The following INTS4 variants were observed in gnomAD, a reference collection of about 807,000 sequenced individuals.
INTS4 encodes integrator complex subunit 4, also known as MSTP093.
Under a neutral mutation model 119.5 loss-of-function variants are expected in INTS4, and 70 were observed. The ratio of observed to expected loss-of-function variants is 0.59; its 90% CI spans 0.48 to 0.71. INTS4 has a LOEUF of 0.71. INTS4 is among the 30% of genes least tolerant of loss of function. The probability of loss-of-function intolerance (pLI) is 0.00; values close to 1 mark genes in which losing one functional copy is unlikely to be tolerated. For synonymous variants in INTS4, 316 were observed against 419.6 expected (o/e 0.75, Z 3.02); for missense variants, 867 against 1,173.2 (o/e 0.74, Z 3.81).
chr11:77,931,922 T>A (rs920134836), intron 10 of INTS4, among the ~76,000 whole-genome samples: 1 of 152,106 alleles, frequency 6.6e-6, no homozygotes, highest in African/African-American at 2.4e-5. Flanking sequence ...TTCCTTACAC[T>A]TTATACAAAA....
chr11:77,974,360 A>C (rs1251191725), intron 4 of INTS4, among the ~76,000 whole-genome samples: 4 of 147,524 alleles, frequency 2.7e-5, no homozygotes, highest in Non-Finnish European at 5.9e-5. Context: ...CTCCTGCTTC[A>C]GCCTCCTGAG....
chr11:77,972,783 T>C (rs941360648), intron 4 of INTS4, among the ~76,000 whole-genome samples: 1 of 151,922 alleles, frequency 6.6e-6, no homozygotes, highest in African/African-American at 2.4e-5. Flanking sequence ...TATCTGGATA[T>C]TACTGGTGCT....
At chr11:77,877,320 T>C (rs1168179310), downstream of INTS4, among the ~76,000 whole-genome samples, 2 of 152,206 alleles carry the variant, frequency 1.3e-5, no homozygotes, top group Non-Finnish European at 2.9e-5. Context: ...AAACCAAAAG[T>C]TAAAACATGC....
chr11:77,943,547 G>A (rs1025969265), intron 8 of INTS4, among the ~76,000 whole-genome samples: 4 of 152,108 alleles, frequency 2.6e-5, no homozygotes, highest in African/African-American at 9.7e-5. Flanking sequence ...AACAGATTTG[G>A]ACCAAAAAGA....
intron 5 of INTS4, 93 bp from the exon 6 acceptor site, chr11:77,960,484 T>C: frequency 6.0e-6 from 6 of 996,704 alleles, no homozygotes; most frequent in Non-Finnish European, 6.3e-6. Flanking sequence ...CCCTATTGTA[T>C]CAGGCTAACA....
chr11:77,927,502 C>A (rs1953536838), intron 11 of INTS4, among the ~76,000 whole-genome samples: 1 of 152,100 alleles, frequency 6.6e-6, no homozygotes, highest in Non-Finnish European at 1.5e-5. Context: ...AGGACAAACC[C>A]CATTTATGAA....
chr11:77,955,081 T>A (rs1387675723), intron 8 of INTS4, among the ~76,000 whole-genome samples: 1 of 152,150 alleles, frequency 6.6e-6, no homozygotes, highest in Non-Finnish European at 1.5e-5. Context: ...GGCTTAAACC[T>A]GTAATCCCAA....
At chr11:77,895,527 G>GAAAAAAAAAAAAAA (rs71046921) in intron 18 of INTS4, among the ~76,000 whole-genome samples, 1 of 39,232 alleles carries the variant, frequency 2.5e-5, no homozygotes, top group African/African-American at 9.4e-5. Context: ...TTCTTTTCCT[G>GAAAAAAAAAAAAAA]AAAAAAAAAA....
chr11:77,891,203 A>C, intron 21 of INTS4, 116 bp downstream of exon 21: 1 of 958,554 alleles, frequency 1.0e-6, no homozygotes, highest in Non-Finnish European at 1.5e-6. Flanking sequence ...ACAGAGGCTC[A>C]TTTCTTCTCC....
intron 15 of INTS4, chr11:77,918,029 A>G (rs1432277275): frequency 4.3e-6 from 3 of 701,820 alleles, no homozygotes; most frequent in Admixed American, 2.0e-5. Context: ...TGGAGATGAT[A>G]CCTTTCTCTT....
At chr11:77,934,785 C>A (rs1953749908) in intron 10 of INTS4, among the ~76,000 whole-genome samples, 1 of 152,160 alleles carries the variant, frequency 6.6e-6, no homozygotes, top group Admixed American at 6.5e-5. Flanking sequence ...TTTAAGTTCA[C>A]AGAGAATCAA....
intron 4 of INTS4, chr11:77,963,372 A>AAC: frequency 3.1e-6 from 1 of 321,188 alleles, no homozygotes; most frequent in East Asian, 9.0e-5. Flanking sequence ...AAAAAAAAAA[A>AAC]AACAAAAAAA....
At chr11:77,930,221 C>T (rs1953612947) in intron 10 of INTS4, among the ~76,000 whole-genome samples, 1 of 151,990 alleles carries the variant, frequency 6.6e-6, no homozygotes, top group Admixed American at 6.6e-5. Flanking sequence ...ACAAAAAGTA[C>T]CTAAAGTTGT....
chr11:77,908,262 G>T (rs1953009018), intron 15 of INTS4, among the ~76,000 whole-genome samples: 1 of 151,112 alleles, frequency 6.6e-6, no homozygotes, highest in Non-Finnish European at 1.5e-5. Flanking sequence ...AAGTTCTGGG[G>T]TACATGTGCA....
At chr11:77,902,119 C>T (rs976664128) in intron 17 of INTS4, among the ~76,000 whole-genome samples, 9 of 152,192 alleles carry the variant, frequency 5.9e-5, no homozygotes, top group Non-Finnish European at 1.3e-4. Context: ...TCTTTTCCTT[C>T]TGTGCTTGCC....
chr11:77,984,335 A>T (rs1377808907), intron 2 of INTS4, among the ~76,000 whole-genome samples: 2 of 152,044 alleles, frequency 1.3e-5, no homozygotes, highest in African/African-American at 4.8e-5. Flanking sequence ...CTCTACCAAA[A>T]ATACAAAAAT....
In INTS4 at chr11:77,955,964, C is replaced by A; in HGVS notation, c.896G>T (p.Arg299Leu). The change falls in exon 8 of 23, where the codon CGT (arginine) becomes CTT (leucine). Residue 299 changes from arginine (R) to leucine (L), a missense_variant. Physicochemically the swap from Arg to Leu is moderately radical, Grantham distance 102. Around this residue, in one of 5 missense-constraint regions of INTS4, gnomAD observed 208 missense variants for 306.6 expected, o/e 0.68. Transcript: ENST00000534064. ...TACCAACAGTTTTGCTGCCTGAACA[C>A]GAACCACCCAAGAGCCATCACTGAC... ...HMVSDGSWVV[R>L]VQAAKLLGSM... 1.2e-6 allele frequency: 2 copies of A among 1,611,156 alleles called. No individual in the cohort carries two copies. The highest frequency in any genetic ancestry group is 1.7e-6 in the Non-Finnish European group (2 of 1,179,386).
chr11:77,938,310 G>A (rs182886133), intron 10 of INTS4, among the ~76,000 whole-genome samples: 11 of 152,226 alleles, frequency 7.2e-5, no homozygotes, highest in African/African-American at 2.6e-4. Context: ...CAATTATTAA[G>A]TGCTTATTAT....
chr11:77,960,227 C>T (rs1954432859), intron 6 of INTS4, 114 bp downstream of exon 6: 1 of 682,010 alleles, frequency 1.5e-6, no homozygotes, highest in South Asian at 2.0e-5. Flanking sequence ...CCAATCAACG[C>T]TGCCACTATT....
Sources: gnomAD v4.1 joint callset for allele counts (sites outside exome capture counted in the v4.1 genomes callset) on GRCh38, gnomAD v4.1.1 for gene constraint, gnomAD v4.1.1 regional missense constraint, MANE v1.5 for transcripts, NCBI Gene and HGNC (gene_info 2026-07-23, HGNC 2026-07-21) for gene names.